The following COL14A1 variants were observed in gnomAD, a reference collection of about 807,000 sequenced individuals.
The protein encoded by COL14A1 is collagen alpha-1(XIV) chain.
A neutral mutation model predicts 230.3 loss-of-function variants in COL14A1; 136 were observed. The observed-to-expected ratio is 0.59, with a 90% CI of 0.51 to 0.68. The LOEUF (loss-of-function observed/expected upper bound fraction) is 0.68, where lower values mean the gene tolerates loss of function less well. Ranked by LOEUF, COL14A1 falls within the 30% of genes least tolerant of loss-of-function variation. The pLI, the probability that COL14A1 is intolerant of heterozygous loss-of-function variation, is 0.00. For synonymous variants in COL14A1, 792 were observed against 784.1 expected, an observed-to-expected ratio of 1.01 and a Z score of -0.17; for missense variants, 1,976 against 2,215.8, an observed-to-expected ratio of 0.89 and a Z score of 2.17.
At chr8:120,202,889 T>C (rs1366163262) in intron 8 of COL14A1, among the ~76,000 whole-genome samples, 2 of 151,384 alleles carry the variant, frequency 1.3e-5, no homozygotes, top group African/African-American at 4.8e-5. Context: ...TTAGTAAAAT[T>C]GCAGTGGTTA....
rs566746223 is a variant in COL14A1, at chr8:120,257,726, C to T, written c.2869+2370C>T. ...TGCAGAAATTTCAGTCTTTCCACTC[C>T]AGGCAAAGGAGATACTAGGAATAAA... On this transcript the variant is annotated intron_variant, in intron 23 of 47. Transcript: ENST00000297848. 2.0e-5 allele frequency among the ~76,000 whole-genome samples: 3 copies of T among 152,224 alleles called. 1 individual carries two copies. The highest frequency in any genetic ancestry group is 7.2e-5 in the African/African-American group (3 of 41,554).
chr8:120,342,598 T>A (rs1026413020), intron 44 of COL14A1, 152 bp downstream of exon 44: 8 of 715,968 alleles, frequency 1.1e-5, no homozygotes, highest in Non-Finnish European at 1.9e-5. Flanking sequence ...CACTGACCCA[T>A]CAAAGAGATC....
chr8:120,280,175 C>T (rs1012836004), intron 29 of COL14A1, 76 bp downstream of exon 29: 9 of 1,477,892 alleles, frequency 6.1e-6, no homozygotes, highest in South Asian at 3.6e-5. Context: ...ATAGTGAGTC[C>T]GATCTAGATC....
intron 2 of COL14A1, among the ~76,000 whole-genome samples, chr8:120,154,478 C>G (rs1009222817): frequency 1.3e-5 from 2 of 152,206 alleles, no homozygotes; most frequent in African/African-American, 4.8e-5. Flanking sequence ...ACAAGCCTAA[C>G]TCTGCAGTGG....
At chr8:120,363,527 A>G (rs1474307132) in intron 45 of COL14A1, among the ~76,000 whole-genome samples, 2 of 152,204 alleles carry the variant, frequency 1.3e-5, no homozygotes, top group Non-Finnish European at 2.9e-5. Context: ...CATGGCACAC[A>G]TTTACCTGTG....
chr8:120,295,510 G>T (rs113942426), intron 34 of COL14A1, among the ~76,000 whole-genome samples: 2 of 151,756 alleles, frequency 1.3e-5, no homozygotes, highest in Non-Finnish European at 3.0e-5. Flanking sequence ...GCAAATGTTT[G>T]TTGCTATTGT....
intron 5 of COL14A1, among the ~76,000 whole-genome samples, chr8:120,180,296 C>T (rs1460123481): frequency 6.6e-6 from 1 of 152,146 alleles, no homozygotes; most frequent in Non-Finnish European, 1.5e-5. Flanking sequence ...TTTATTGGTC[C>T]TCATTAGAGC....
chr8:120,339,157 T>C (rs1425029371), intron 42 of COL14A1, among the ~76,000 whole-genome samples: 1 of 152,196 alleles, frequency 6.6e-6, no homozygotes, highest in African/African-American at 2.4e-5. Flanking sequence ...GTATTTTTAG[T>C]AGAGATGGGG....
At position 120,280,793 on chromosome 8, in the gene COL14A1, G is replaced by A. The variant is rs1162872940; in HGVS notation, c.3685+44G>A. ...TTTTCAAACACAAAATATATTACAG[G>A]CCTCTCAATTGGGGATGGGGTTTCT... On this transcript the variant is annotated intron_variant, in intron 30 of 47. Coordinates refer to ENST00000297848, the MANE Select transcript of COL14A1 (RefSeq NM_021110.4). 5 of 1,587,548 alleles carry A rather than the reference G, an allele frequency of 3.1e-6. No homozygotes were observed. The African/African-American group carries it at 4.1e-5, about 13-fold the overall frequency.
At chr8:120,319,040 G>C (rs188947824) in intron 40 of COL14A1, among the ~76,000 whole-genome samples, 179 of 152,326 alleles carry the variant, frequency 1.2e-3, no homozygotes, top group African/African-American at 4.3e-3. Flanking sequence ...GGCGCTTTTA[G>C]CTCCTTGGAC....
rs767514172 is a variant in COL14A1 at position 120,203,842 on chromosome 8, A to G, written c.1011A>G (p.Arg337=). 6.2e-7 allele frequency: 1 copy of G among 1,613,774 alleles called. No homozygotes were observed. The highest frequency in any genetic ancestry group is 8.5e-7 in the Non-Finnish European group (1 of 1,179,874). ...GTCTGACCAGGACTCTCTGCTCTAG[A>G]GTGGAAGAACAGGACAGAGAAATTA... ...VESLTRTLCS[R]VEEQDREIKA... is the part of the protein sequence containing the mutation. Residue 337 remains arginine, a synonymous_variant, in exon 9 of 48, where the codon AGA becomes AGG. Transcript: ENST00000297848.
chr8:120,160,328 T>C (rs1319838367), intron 3 of COL14A1, among the ~76,000 whole-genome samples: 2 of 152,216 alleles, frequency 1.3e-5, no homozygotes, highest in Non-Finnish European at 2.9e-5. Flanking sequence ...TCTGGAAAGG[T>C]AATTTTTTTT....
At chr8:120,346,033 G>A (rs1334228889) in intron 45 of COL14A1, among the ~76,000 whole-genome samples, 3 of 152,244 alleles carry the variant, frequency 2.0e-5, no homozygotes, top group Admixed American at 6.5e-5. Flanking sequence ...CCTGAGAAGA[G>A]TCATGAATTG....
chr8:120,295,043 C>T (rs1300613809), intron 34 of COL14A1, among the ~76,000 whole-genome samples: 1 of 151,704 alleles, frequency 6.6e-6, no homozygotes, highest in African/African-American at 2.4e-5. Context: ...TCAAGAAATC[C>T]TGATGTATAC....
intron 1 of COL14A1, among the ~76,000 whole-genome samples, chr8:120,138,394 C>T (rs1414161371): frequency 6.6e-6 from 1 of 152,134 alleles, no homozygotes; most frequent in Non-Finnish European, 1.5e-5. Flanking sequence ...CCCCTGCCCC[C>T]ACATTGTGTC....
intron 45 of COL14A1, among the ~76,000 whole-genome samples, chr8:120,346,807 C>T (rs552382153): frequency 2.6e-5 from 4 of 152,326 alleles, no homozygotes; most frequent in Admixed American, 1.3e-4. Flanking sequence ...CATTAGCGAA[C>T]AGCCAGGTTG....
chr8:120,318,531 C>T (rs1405671799), intron 40 of COL14A1, among the ~76,000 whole-genome samples: 1 of 152,056 alleles, frequency 6.6e-6, no homozygotes, highest in Non-Finnish European at 1.5e-5. Flanking sequence ...AATTACTGGG[C>T]AGGATTGTAA....
At chr8:120,189,610 A>G (rs1178615564) in intron 5 of COL14A1, among the ~76,000 whole-genome samples, 4 of 149,130 alleles carry the variant, frequency 2.7e-5, no homozygotes, top group African/African-American at 7.4e-5. Context: ...CATTAGGTAT[A>G]TCTCCTAAAG....
intron 19 of COL14A1, among the ~76,000 whole-genome samples, chr8:120,240,694 A>C (rs1185556145): frequency 6.6e-6 from 1 of 152,240 alleles, no homozygotes; most frequent in East Asian, 1.9e-4. Flanking sequence ...TATATGTTAT[A>C]CACTGTGTAC....
Sources: gnomAD v4.1 joint callset for allele counts (sites outside exome capture counted in the v4.1 genomes callset) on GRCh38, gnomAD v4.1.1 for gene constraint, MANE v1.5 for transcripts, NCBI Gene and HGNC (gene_info 2026-07-23, HGNC 2026-07-21) for gene names.